PTPRN2: variants seen among roughly 807,000 people sequenced by gnomAD.
The protein encoded by PTPRN2 is protein tyrosine phosphatase receptor type N2.
A neutral mutation model predicts 118.8 loss-of-function variants in PTPRN2; 74 were observed. The ratio of observed to expected loss-of-function variants is 0.62; its 90% CI spans 0.52 to 0.76. The LOEUF is 0.76. Ranked by LOEUF, PTPRN2 falls within the 30% of genes least tolerant of loss-of-function variation. The probability of loss-of-function intolerance (pLI) is 0.00; values close to 1 mark genes in which losing one functional copy is unlikely to be tolerated. For synonymous variants in PTPRN2, 641 were observed against 608.0 expected, an observed-to-expected ratio of 1.05 and a Z score of -0.80; for missense variants, 1,481 against 1,394.4, an observed-to-expected ratio of 1.06 and a Z score of -0.99.
At chr7:158,001,213 G>A (rs1805228749) in intron 11 of PTPRN2, among the ~76,000 whole-genome samples, 1 of 146,378 alleles carries the variant, frequency 6.8e-6, no homozygotes, top group South Asian at 2.2e-4. Flanking sequence ...CAGGCGGGGT[G>A]AAGGGTGGGG....
At chr7:158,230,658 A>G (rs1389702899) in intron 3 of PTPRN2, among the ~76,000 whole-genome samples, 1 of 152,220 alleles carries the variant, frequency 6.6e-6, no homozygotes, top group Non-Finnish European at 1.5e-5. Flanking sequence ...CAATAAAAAA[A>G]AACTGTAACA....
chr7:158,279,908 G>T (rs11973428), intron 3 of PTPRN2, among the ~76,000 whole-genome samples: 1 of 151,908 alleles, frequency 6.6e-6, no homozygotes, highest in Admixed American at 6.6e-5. Context: ...TTGACCCCAC[G>T]GTGTGCCAGG....
chr7:157,838,125 A>G lies in PTPRN2; in HGVS notation c.1788+60548T>C, dbSNP rs992673287. ...CACTATGCCTACTCCAGTTCCTCTC[A>G]TAGTGGATGGCACGGGAGAAAGCTC... is the stretch of plus-strand genomic sequence containing the variant. On this transcript the variant is annotated intron_variant, in intron 12 of 22. Coordinates refer to ENST00000389418, the MANE Select transcript of PTPRN2 (RefSeq NM_002847.5). Among the ~76,000 whole-genome samples the G allele has an allele frequency of 7.2e-5, 10 of 139,070 alleles. No individual in the cohort carries two copies. In the East Asian group the frequency reaches 1.8e-3, roughly 25 times the overall value. The allele number at this position is 139,070 out of a possible 152,430, so 91.2% of individuals were successfully genotyped here.
intron 2 of PTPRN2, among the ~76,000 whole-genome samples, chr7:158,341,039 T>TAA (rs375961253): frequency 0.82 from 20,163 of 24,454 alleles, 9,302 homozygotes; most frequent in African/African-American, 0.94. Flanking sequence ...ACACTCACCA[T>TAA]GAGGTGACAC....
At chr7:157,665,523 T>C (rs1647439916) in intron 13 of PTPRN2, among the ~76,000 whole-genome samples, 1 of 152,230 alleles carries the variant, frequency 6.6e-6, no homozygotes, top group Non-Finnish European at 1.5e-5. Flanking sequence ...TGGGCCTGCC[T>C]GGCCCTGAAG....
chr7:158,232,438 A>T (rs879528251), intron 3 of PTPRN2, among the ~76,000 whole-genome samples: 1 of 152,142 alleles, frequency 6.6e-6, no homozygotes, highest in Non-Finnish European at 1.5e-5. Context: ...AAGTAATTAG[A>T]TCAAAGCCAT....
chr7:157,638,384 G>A (rs1804453069), intron 14 of PTPRN2, among the ~76,000 whole-genome samples: 1 of 152,240 alleles, frequency 6.6e-6, no homozygotes, highest in Non-Finnish European at 1.5e-5. Flanking sequence ...AGCCTGGAGG[G>A]CTCAGTCTAC....
intron 12 of PTPRN2, among the ~76,000 whole-genome samples, chr7:157,884,690 T>A (rs948068729): frequency 6.6e-6 from 1 of 152,198 alleles, no homozygotes; most frequent in Admixed American, 6.5e-5. Flanking sequence ...AGAGAGAGCA[T>A]GTGCAGGGAA....
At chr7:158,001,058 A>G (rs370851445) in intron 11 of PTPRN2, among the ~76,000 whole-genome samples, 191 of 350 alleles carry the variant, frequency 0.55, 95 homozygotes, top group South Asian at 0.83. Flanking sequence ...CTGGGGTTTG[A>G]CCGCAGGTGG....
rs1206691907 is a variant in PTPRN2 at position 157,893,846 on chromosome 7, G to A, written c.1788+4827C>T. ...AAGGAGGAGGGAGCCAGGCCCTGGA[G>A]AGTCCAATCTGTAGAACTCACGGAG... On this transcript the variant is annotated intron_variant, in intron 12 of 22. Coordinates refer to ENST00000389418, the MANE Select transcript of PTPRN2 (RefSeq NM_002847.5). This position sits in a 1 kb window ranked among gnomAD's most constrained non-coding sequence, Gnocchi z 4.0. 6.6e-6 allele frequency among the ~76,000 whole-genome samples: 1 copy of A among 152,192 alleles called. No individual in the cohort carries two copies. Among genetic ancestry groups the A allele is most frequent in the African/African-American group, 2.4e-5 (1 of 41,444 alleles).
chr7:158,110,843 C>T lies in PTPRN2; in HGVS notation c.1629G>A (p.Ala543=), dbSNP rs775326798. The part of the protein sequence containing the change: ...VARLLQVPSS[A]FADVEVLGPA... The stretch of plus-strand genomic sequence containing the variant: ...CCCGTACTTACTCCACGTCAGCGAA[C>T]GCACTGCTGGGCACCTGCAGGAGGC... Residue 543 remains alanine, a synonymous_variant, in exon 10 of 23, where the codon GCG becomes GCA. Transcript: ENST00000389418. The T allele has an allele frequency of 1.1e-5, 18 of 1,588,374 alleles. No homozygotes were observed. The highest frequency in any genetic ancestry group is 1.7e-4 in the Middle Eastern group (1 of 6,048).
chr7:158,091,057 C>T (rs1435565612), intron 10 of PTPRN2, among the ~76,000 whole-genome samples: 1 of 152,124 alleles, frequency 6.6e-6, no homozygotes, highest in Non-Finnish European at 1.5e-5. Context: ...AAATAAGAAC[C>T]GAGGCTTCTA....
intron 3 of PTPRN2, among the ~76,000 whole-genome samples, chr7:158,274,003 G>A (rs2150976388): frequency 8.0e-6 from 1 of 125,784 alleles, no homozygotes; most frequent in East Asian, 2.3e-4. Context: ...CGCAGACACA[G>A]GGAGCCGCAG....
rs1182102656 is a variant in PTPRN2 at position 157,615,542 on chromosome 7, G to A, written c.2344+5820C>T. On this transcript the variant is annotated intron_variant, in intron 15 of 22. Transcript: ENST00000389418. This position sits in a 1 kb window ranked among gnomAD's most constrained non-coding sequence, Gnocchi z 4.3. The stretch of plus-strand genomic sequence containing the variant: ...GGTGACCCCATCGCAAGGCCGGGCC[G>A]TGGAAACAATCTCAGCCCTGGAACC... 9 of 471,260 alleles carry A rather than the reference G, an allele frequency of 1.9e-5. No individual in the cohort carries two copies. Among genetic ancestry groups the A allele is most frequent in the African/African-American group, 1.0e-4 (5 of 50,230 alleles). The allele number at this position is 471,260 out of a possible 1,614,324, so 29.2% of individuals were successfully genotyped here.
chr7:158,323,340 C>A (rs1164064133), intron 2 of PTPRN2, among the ~76,000 whole-genome samples: 1 of 152,090 alleles, frequency 6.6e-6, no homozygotes, highest in African/African-American at 2.4e-5. Flanking sequence ...AACCAGGGGG[C>A]CCCACATTTC....
In PTPRN2 at chr7:157,611,558, T is replaced by C. The variant is rs1244146028; in HGVS notation, c.2345-7483A>G. On this transcript the variant is annotated intron_variant, in intron 15 of 22. Transcript: ENST00000389418. The surrounding 1 kb of genome is among the most constrained non-coding windows in gnomAD (Gnocchi z 5.9). ...AAAAGACACACTGGAGTCCCAGCCC[T>C]GGGAACATGACCTTATTTGGAAATA... is the stretch of plus-strand genomic sequence containing the variant. 6.6e-6 allele frequency among the ~76,000 whole-genome samples: 1 copy of C among 152,070 alleles called. No homozygotes were observed. The highest frequency in any genetic ancestry group is 1.5e-5 in the Non-Finnish European group (1 of 68,010).
chr7:158,556,710 G>A (rs1196267264), intron 1 of PTPRN2, among the ~76,000 whole-genome samples: 5 of 145,634 alleles, frequency 3.4e-5, no homozygotes, highest in East Asian at 2.1e-4. Context: ...CAGGTCAGAC[G>A]GCTCCCGGGC....
intron 1 of PTPRN2, among the ~76,000 whole-genome samples, chr7:158,578,594 G>A (rs1242622978): frequency 2.0e-5 from 3 of 151,524 alleles, no homozygotes; most frequent in African/African-American, 7.3e-5. Context: ...TTTGTTACGT[G>A]GGTGTATTGA....
chr7:158,161,683 T>G (rs75737182), intron 6 of PTPRN2, among the ~76,000 whole-genome samples: 1,586 of 152,290 alleles, frequency 0.01, 20 homozygotes, highest in African/African-American at 0.032. Flanking sequence ...GATGACTTTT[T>G]AAAATCCAAC....
Sources: gnomAD v4.1 joint callset for allele counts (sites outside exome capture counted in the v4.1 genomes callset) on GRCh38, gnomAD v4.1.1 for gene constraint, Gnocchi (gnomAD v3.1) non-coding constraint, MANE v1.5 for transcripts, NCBI Gene and HGNC (gene_info 2026-07-23, HGNC 2026-07-21) for gene names.